BMP8B: variants seen among roughly 807,000 people sequenced by gnomAD.
BMP8B encodes bone morphogenetic protein 8b.
Under a neutral mutation model 30.3 loss-of-function variants are expected in BMP8B, and 17 were observed. The observed-to-expected ratio is 0.56, with a 90% CI of 0.38 to 0.84. BMP8B has a LOEUF of 0.84. Among genes scored for constraint, BMP8B ranks in the 40% least tolerant of loss-of-function variants. The probability of loss-of-function intolerance (pLI) is 0.00; values close to 1 mark genes in which losing one functional copy is unlikely to be tolerated. For synonymous variants in BMP8B, 131 were observed against 214.7 expected (o/e 0.61, Z 3.41); for missense variants, 253 against 494.6 (o/e 0.51, Z 4.63).
intron 1 of BMP8B, among the ~76,000 whole-genome samples, chr1:39,780,685 A>G (rs1569854416): frequency 6.6e-6 from 1 of 152,346 alleles, no homozygotes; most frequent in Non-Finnish European, 1.5e-5. Context: ...TGAGCCCAGG[A>G]GCTGAAGACC....
rs550541439 is a variant in BMP8B at position 39,779,568 on chromosome 1, C to T, written c.335-4530G>A. ...GCAGGACAGGTGCTTCAGTGACGGT[C>T]GCAGTCACATACAGGGCTTTGGAAG... On this transcript the variant is annotated intron_variant, in intron 1 of 6. Coordinates refer to ENST00000372827, the MANE Select transcript of BMP8B (RefSeq NM_001720.5). 6.6e-5 allele frequency among the ~76,000 whole-genome samples: 10 copies of T among 152,310 alleles called. No homozygotes were observed. In the South Asian group the frequency reaches 1.2e-3, roughly 19 times the overall value.
At chr1:39,784,116 C>T (rs1316793994) in intron 1 of BMP8B, among the ~76,000 whole-genome samples, 2 of 152,288 alleles carry the variant, frequency 1.3e-5, no homozygotes, top group African/African-American at 2.4e-5. Flanking sequence ...AACCACCTAT[C>T]TGCTCTGAGC....
At chr1:39,782,657 G>C (rs369528889) in intron 1 of BMP8B, among the ~76,000 whole-genome samples, 7 of 152,008 alleles carry the variant, frequency 4.6e-5, no homozygotes, top group Admixed American at 4.6e-4. Flanking sequence ...TAGTAGAGAC[G>C]GGGTTTCACC....
chr1:39,782,289 A>G (rs1048453937), intron 1 of BMP8B, among the ~76,000 whole-genome samples: 1 of 152,150 alleles, frequency 6.6e-6, no homozygotes, highest in African/African-American at 2.4e-5. Context: ...ATCCACTACA[A>G]GGATGCCTAG....
At chr1:39,782,723 C>T (rs1305079650) in intron 1 of BMP8B, among the ~76,000 whole-genome samples, 2 of 151,436 alleles carry the variant, frequency 1.3e-5, no homozygotes, top group African/African-American at 4.9e-5. Context: ...CCCCGCTTGG[C>T]CTCCCAAAGT....
At chr1:39,779,384 G>T (rs975587003) in intron 1 of BMP8B, among the ~76,000 whole-genome samples, 2 of 152,216 alleles carry the variant, frequency 1.3e-5, no homozygotes, top group African/African-American at 4.8e-5. Flanking sequence ...TGCCACTCAG[G>T]GGCTGGGTGC....
At chr1:39,785,784 A>T (rs1274230053) in intron 1 of BMP8B, among the ~76,000 whole-genome samples, 1 of 152,204 alleles carries the variant, frequency 6.6e-6, no homozygotes, top group Non-Finnish European at 1.5e-5. Flanking sequence ...CATGGAGAGC[A>T]TCCTGGTATG....
At chr1:39,786,393 C>T (rs1238705574) in intron 1 of BMP8B, among the ~76,000 whole-genome samples, 1 of 152,194 alleles carries the variant, frequency 6.6e-6, no homozygotes, top group Non-Finnish European at 1.5e-5. Context: ...TGCCCCTCTA[C>T]CAATCACACA....
At chr1:39,763,843 C>T (rs1193821575) in intron 4 of BMP8B, 52 bp from the exon 5 acceptor site, 2 of 1,572,668 alleles carry the variant, frequency 1.3e-6, no homozygotes. Flanking sequence ...CTGTGTGCAG[C>T]TACTATGGGG....
intron 1 of BMP8B, among the ~76,000 whole-genome samples, chr1:39,781,938 C>T (rs1275308306): frequency 6.6e-6 from 1 of 152,108 alleles, no homozygotes; most frequent in Non-Finnish European, 1.5e-5. Context: ...GGGTGGATCA[C>T]CTGAGGTCAG....
chr1:39,771,943 C>T (rs1334947618), intron 3 of BMP8B, among the ~76,000 whole-genome samples: 1 of 97,056 alleles, frequency 1.0e-5, no homozygotes, highest in African/African-American at 4.3e-5. Context: ...CTTCCCTCTG[C>T]ACAGAATCAC....
At chr1:39,781,577 G>A (rs1355448243) in intron 1 of BMP8B, among the ~76,000 whole-genome samples, 1 of 152,196 alleles carries the variant, frequency 6.6e-6, no homozygotes, top group Non-Finnish European at 1.5e-5. Context: ...TCTTAGGTTA[G>A]GCTCTCTGGG....
chr1:39,788,478 G>C lies in BMP8B; in HGVS notation c.8C>G (p.Ala3Gly), dbSNP rs1651167993. 1 of 1,019,246 alleles carries C rather than the reference G, an allele frequency of 9.8e-7. No individual in the cohort carries two copies. 63.1% of individuals were successfully genotyped at this position (1,019,246 alleles called of 1,614,324 possible). A position where few individuals can be genotyped will look rare whatever the true frequency, so the allele number is the denominator to read the frequency against. MT[A>G]LPGPLWLLGL... The stretch of plus-strand genomic sequence containing the variant: ...CAGGAGCCAGAGCGGGCCGGGGAGC[G>C]CGGTCATGGCAGGCCGGGGGCGCTC... Residue 3 changes from alanine to glycine, a missense_variant, in exon 1 of 7, where the codon GCG becomes GGG. Around this residue, in one of 7 missense-constraint regions of BMP8B, gnomAD observed 54 missense variants for 70.8 expected, o/e 0.76. Transcript: ENST00000372827. This position sits in a 1 kb window ranked among gnomAD's most constrained non-coding sequence, Gnocchi z 5.8.
intron 1 of BMP8B, among the ~76,000 whole-genome samples, chr1:39,780,189 G>A (rs1473651311): frequency 6.6e-6 from 1 of 152,190 alleles, no homozygotes; most frequent in Non-Finnish European, 1.5e-5. Context: ...GTGTTGGAGG[G>A]GACACAGAAC....
Position 39,763,209 on chromosome 1 carries a change from G to A in BMP8B, c.949-7C>T, listed in dbSNP as rs1649261994. On this transcript the variant is annotated splice_region_variant and splice_polypyrimidine_tract_variant and intron_variant, in intron 5 of 6. Coordinates refer to ENST00000372827, the MANE Select transcript of BMP8B (RefSeq NM_001720.5). ...GGGGAGCGATGACCCAGTCCTGGGG[G>A]GCAAGGGAGAAGGTGAGTCCCATCC... 2 of 1,606,434 alleles carry A rather than the reference G, an allele frequency of 1.2e-6. No homozygotes were observed. Among genetic ancestry groups the A allele is most frequent in the Non-Finnish European group, 1.7e-6 (2 of 1,175,308 alleles).
intron 3 of BMP8B, chr1:39,771,466 C>G (rs1322628365): frequency 7.2e-6 from 4 of 554,874 alleles, no homozygotes; most frequent in South Asian, 3.4e-5. Context: ...GTCAGTCCTC[C>G]GTGTCCAGCG....
intron 1 of BMP8B, among the ~76,000 whole-genome samples, chr1:39,781,141 G>A (rs1650608186): frequency 3.3e-5 from 5 of 152,336 alleles, no homozygotes; most frequent in African/African-American, 1.2e-4. Context: ...TAAACAGGAA[G>A]AGGAACAGCA....
chr1:39,779,471 AAG>A (rs1428718063), intron 1 of BMP8B, among the ~76,000 whole-genome samples: 1 of 152,206 alleles, frequency 6.6e-6, no homozygotes, highest in Non-Finnish European at 1.5e-5. Flanking sequence ...GAGGAGGAGA[AAG>A]AGGGGCTAGG....
At chr1:39,780,098 G>A (rs1340055160) in intron 1 of BMP8B, among the ~76,000 whole-genome samples, 2 of 152,176 alleles carry the variant, frequency 1.3e-5, no homozygotes, top group Non-Finnish European at 2.9e-5. Flanking sequence ...GGAAGCCATG[G>A]TCTTTTATAG....
Sources: allele counts gnomAD v4.1 joint callset (sites outside exome capture counted in the v4.1 genomes callset), GRCh38; gene constraint gnomAD v4.1.1; regional missense constraint gnomAD v4.1.1; non-coding constraint Gnocchi (gnomAD v3.1); transcripts MANE v1.5; gene names NCBI Gene and HGNC (gene_info 2026-07-23, HGNC 2026-07-21).